The following EHBP1 variants were observed in gnomAD, a reference collection of about 807,000 sequenced individuals.
EHBP1 encodes the protein EH domain-binding protein 1.
EHBP1 carries 55 observed loss-of-function variants against 144.0 expected under a neutral mutation model. The observed-to-expected ratio is 0.38, with a 90% confidence interval of 0.31 to 0.48. EHBP1 has a LOEUF of 0.48. Ranked by LOEUF, EHBP1 falls within the 20% of genes least tolerant of loss-of-function variation. The probability of loss-of-function intolerance (pLI) is 0.98; values close to 1 mark genes in which losing one functional copy is unlikely to be tolerated. For synonymous variants in EHBP1, 469 were observed against 472.7 expected (o/e 0.99, Z 0.10); for missense variants, 1,200 against 1,364.2 (o/e 0.88, Z 1.90).
intron 16 of EHBP1, among the ~76,000 whole-genome samples, chr2:62,992,507 CT>C (rs2059454100): frequency 6.6e-6 from 1 of 152,062 alleles, no homozygotes. Context: ...TGTATGATTC[CT>C]TTTAGTTAAG....
At chr2:62,674,753 G>GA (rs2033224464) in intron 1 of EHBP1, among the ~76,000 whole-genome samples, 2 of 152,156 alleles carry the variant, frequency 1.3e-5, no homozygotes, top group Non-Finnish European at 2.9e-5. Context: ...AATTTTTTGA[G>GA]AAAAAAGCAG....
At chr2:63,036,645 T>C (rs964257708) in intron 19 of EHBP1, among the ~76,000 whole-genome samples, 3 of 151,866 alleles carry the variant, frequency 2.0e-5, no homozygotes, top group African/African-American at 7.2e-5. Context: ...GAATTAGAAA[T>C]TCGACTAGGT....
intron 15 of EHBP1, among the ~76,000 whole-genome samples, chr2:62,981,620 G>T (rs934579073): frequency 2.0e-5 from 3 of 152,188 alleles, no homozygotes; most frequent in Non-Finnish European, 4.4e-5. Context: ...GCTAAGCCAG[G>T]ACTAGACTAG....
At chr2:62,723,175 T>A (rs948685114) in intron 2 of EHBP1, among the ~76,000 whole-genome samples, 2 of 152,234 alleles carry the variant, frequency 1.3e-5, no homozygotes, top group Admixed American at 1.3e-4. Context: ...GCTCCTGTCT[T>A]GGATGCACAC....
Position 62,770,483 on chromosome 2 carries a change from G to A in EHBP1, c.259-856G>A, listed in dbSNP as rs562073126. 5.3e-5 allele frequency among the ~76,000 whole-genome samples: 8 copies of A among 152,310 alleles called. No individual in the cohort carries two copies. In the South Asian group the frequency reaches 1.7e-3, roughly 32 times the overall value. ...GATAGCATCTCACACCAGTCAGAGT[G>A]GCTATTATTAAAAAGTCAAAAAATA... On this transcript the variant is annotated intron_variant, in intron 4 of 22. Coordinates refer to ENST00000431489, the MANE Select transcript of EHBP1 (RefSeq NM_001142616.3).
At chr2:62,870,787 T>C (rs1468913993) in intron 9 of EHBP1, among the ~76,000 whole-genome samples, 1 of 150,726 alleles carries the variant, frequency 6.6e-6, no homozygotes, top group Non-Finnish European at 1.5e-5. Context: ...TTTGAGACTT[T>C]TATTTGAAAG....
At position 62,800,027 on chromosome 2, in the gene EHBP1, C is replaced by T. The variant is rs947258929; in HGVS notation, c.313-26060C>T. Among the ~76,000 whole-genome samples the T allele has an allele frequency of 2.6e-5, 4 of 152,186 alleles. 1 individual carries two copies. The highest frequency in any genetic ancestry group is 6.5e-5 in the Admixed American group (1 of 15,274). Reference sequence around the variant, plus strand: ...CTGTTTCGTCACCTAAAGGTGAAAACGTGCTGTCTGGAACTTCGAAAAACT... The same window carrying T: ...CTGTTTCGTCACCTAAAGGTGAAAATGTGCTGTCTGGAACTTCGAAAAACT... On this transcript the variant is annotated intron_variant, in intron 5 of 22. Transcript: ENST00000431489.
At chr2:63,032,418 A>G (rs529708626) in intron 19 of EHBP1, among the ~76,000 whole-genome samples, 1 of 151,762 alleles carries the variant, frequency 6.6e-6, no homozygotes, top group East Asian at 1.9e-4. Flanking sequence ...AATACAAAAA[A>G]TTAGCTGGGC....
chr2:62,864,558 A>G (rs1038651111), intron 8 of EHBP1, among the ~76,000 whole-genome samples, 173 bp from the exon 9 acceptor site: 19 of 152,194 alleles, frequency 1.2e-4, no homozygotes, highest in African/African-American at 4.6e-4. Context: ...TCTTCTGAAC[A>G]TTAAGACTAC....
Position 62,679,368 on chromosome 2 carries a change from C to T in EHBP1, c.-296+5285C>T, listed in dbSNP as rs940350939. 6.6e-5 allele frequency among the ~76,000 whole-genome samples: 10 copies of T among 152,250 alleles called. No individual in the cohort carries two copies. The South Asian group carries it at 1.9e-3, about 28-fold the overall frequency. The stretch of plus-strand genomic sequence containing the variant: ...AGAGGACATTAACCTAAAATCCGGT[C>T]GATTAGTTTTTCCTTATCCCCTGCA... On this transcript the variant is annotated intron_variant, in intron 1 of 22. Transcript: ENST00000405015.
intron 1 of EHBP1, among the ~76,000 whole-genome samples, chr2:62,678,734 A>G (rs1295891997): frequency 1.3e-5 from 2 of 152,200 alleles, no homozygotes; most frequent in South Asian, 2.1e-4. Context: ...CACAAAAGTT[A>G]AAACAGAAAT....
At chr2:63,022,057 C>T (rs1432371485) in intron 19 of EHBP1, among the ~76,000 whole-genome samples, 3 of 152,038 alleles carry the variant, frequency 2.0e-5, no homozygotes, top group Non-Finnish European at 4.4e-5. Flanking sequence ...TGAGCCACCG[C>T]GCCCGGCATT....
chr2:62,903,474 T>C (rs1464682560), intron 10 of EHBP1, among the ~76,000 whole-genome samples: 1 of 152,186 alleles, frequency 6.6e-6, no homozygotes, highest in Non-Finnish European at 1.5e-5. Context: ...CTAAACATAC[T>C]GAGTCAGGCC....
At position 62,894,129 on chromosome 2, in the gene EHBP1, G is replaced by C. The variant is rs538782755; in HGVS notation, c.1185+19597G>C. Among the ~76,000 whole-genome samples the C allele has an allele frequency of 7.9e-5, 12 of 151,688 alleles. No individual in the cohort carries two copies. In the South Asian group the frequency reaches 2.5e-3, roughly 32 times the overall value. On this transcript the variant is annotated intron_variant, in intron 10 of 22. Transcript: ENST00000431489. ...GCTGCTTCATGCATTCAATATTTAT[G>C]TAGCCCCTACTATGTGTAAGGAACT...
intron 7 of EHBP1, among the ~76,000 whole-genome samples, chr2:62,833,068 C>G (rs2152669269): frequency 6.6e-6 from 1 of 152,200 alleles, no homozygotes; most frequent in African/African-American, 2.4e-5. Context: ...TGCATAAAGC[C>G]TTATTGCTGA....
intron 6 of EHBP1, among the ~76,000 whole-genome samples, chr2:62,828,554 A>G (rs888994577): frequency 6.6e-6 from 1 of 152,170 alleles, no homozygotes; most frequent in Admixed American, 6.5e-5. Flanking sequence ...TTTTCCTGCT[A>G]TAATAGTTTC....
At chr2:62,734,081 A>T (rs937549138) in intron 2 of EHBP1, among the ~76,000 whole-genome samples, 3 of 152,154 alleles carry the variant, frequency 2.0e-5, no homozygotes, top group African/African-American at 7.2e-5. Flanking sequence ...CAGGCTCCTG[A>T]CATGCTTGAC....
intron 5 of EHBP1, among the ~76,000 whole-genome samples, chr2:62,777,538 C>G (rs1234775990): frequency 2.6e-5 from 4 of 151,844 alleles, no homozygotes; most frequent in Non-Finnish European, 5.9e-5. Flanking sequence ...AAATTGGGAT[C>G]ATCTTATATC....
chr2:62,680,051 A>G (rs1325955126), intron 1 of EHBP1, among the ~76,000 whole-genome samples: 1 of 152,248 alleles, frequency 6.6e-6, no homozygotes. Context: ...TCCTTCCCTT[A>G]TAATTGTTTA....
Sources: gnomAD v4.1 joint callset for allele counts (sites outside exome capture counted in the v4.1 genomes callset) on GRCh38, gnomAD v4.1.1 for gene constraint, MANE v1.5 for transcripts, NCBI Gene and HGNC (gene_info 2026-07-23, HGNC 2026-07-21) for gene names.